Variants in SLAMF1 observed in about 807,000 individuals in gnomAD.
SLAMF1 encodes the protein signaling lymphocytic activation molecule family member 1.
SLAMF1 carries 18 observed loss-of-function variants against 35.1 expected under a neutral mutation model. The ratio of observed to expected loss-of-function variants is 0.51; its 90% confidence interval spans 0.35 to 0.76. SLAMF1 has a LOEUF of 0.76. Ranked by LOEUF, SLAMF1 falls within the 30% of genes least tolerant of loss-of-function variation. SLAMF1 has a pLI of 0.01. For missense variants in SLAMF1, 392 were observed against 413.0 expected (o/e 0.95, Z 0.44); for synonymous variants, 168 against 157.2 (o/e 1.07, Z -0.51).
At chr1:160,634,940 C>T (rs982270620) in intron 2 of SLAMF1, 43 bp from the exon 3 acceptor site, 15 of 1,539,142 alleles carry the variant, frequency 9.7e-6, no homozygotes, top group African/African-American at 1.4e-5. Flanking sequence ...GAAGTGAACC[C>T]CTGGGAATTC....
intron 1 of SLAMF1, among the ~76,000 whole-genome samples, chr1:160,640,380 A>G (rs1424877514): frequency 1.4e-5 from 2 of 147,264 alleles, no homozygotes; most frequent in African/African-American, 5.0e-5. Flanking sequence ...ACACACATAT[A>G]TATATATACA....
At chr1:160,641,533 G>C (rs971514381) in intron 1 of SLAMF1, among the ~76,000 whole-genome samples, 5 of 152,114 alleles carry the variant, frequency 3.3e-5, no homozygotes, top group Non-Finnish European at 7.4e-5. Context: ...GGAAAAGGGA[G>C]GGGTAGATGA....
chr1:160,637,576 A>C, intron 1 of SLAMF1, 47 bp from the exon 2 acceptor site: 1 of 1,355,146 alleles, frequency 7.4e-7, no homozygotes, highest in Non-Finnish European at 1.0e-6. Context: ...AGGCCTTTAG[A>C]CAACATCGTG....
At chr1:160,630,086 G>A (rs1176313735) in intron 3 of SLAMF1, among the ~76,000 whole-genome samples, 2 of 152,214 alleles carry the variant, frequency 1.3e-5, no homozygotes, top group Non-Finnish European at 2.9e-5. Context: ...TTCAAGATGA[G>A]CTTCCAGGGG....
chr1:160,634,531 A>G (rs1660324463), intron 3 of SLAMF1, 82 bp downstream of exon 3: 2 of 1,463,680 alleles, frequency 1.4e-6, no homozygotes, highest in Admixed American at 4.5e-5. Context: ...GGTGAATGCC[A>G]TGGCTGGGGA....
intron 3 of SLAMF1, among the ~76,000 whole-genome samples, chr1:160,625,030 G>T (rs576227055): frequency 6.6e-6 from 1 of 152,244 alleles, no homozygotes; most frequent in South Asian, 2.1e-4. Context: ...TACAAGGTAG[G>T]TACACTCATT....
chr1:160,633,653 C>T (rs1279020342), intron 3 of SLAMF1, among the ~76,000 whole-genome samples: 1 of 152,220 alleles, frequency 6.6e-6, no homozygotes, highest in East Asian at 1.9e-4. Context: ...AGTCCCTGAA[C>T]CTGCCTGAGG....
chr1:160,616,937 C>A (rs1027993016), intron 5 of SLAMF1, among the ~76,000 whole-genome samples: 3 of 152,010 alleles, frequency 2.0e-5, no homozygotes, highest in African/African-American at 7.3e-5. Context: ...GGGCAGATCT[C>A]CTGAGATCAG....
Position 160,610,635 on chromosome 1 carries a change from G to C in SLAMF1, c.*113C>G, listed in dbSNP as rs112810710. ...ATCACCAGGGAGTTGATCTGAGAAG[G>C]GTACAGACGTGCAGCATGTCTGCCA... On this transcript the variant is annotated 3_prime_UTR_variant, in exon 7 of 7. Coordinates refer to ENST00000302035, the MANE Select transcript of SLAMF1 (RefSeq NM_003037.5). 3.1e-5 allele frequency: 23 copies of C among 743,780 alleles called. 1 individual carries two copies. The Middle Eastern group carries it at 7.2e-4, about 23-fold the overall frequency. 46.1% of individuals were successfully genotyped at this position (743,780 alleles called of 1,614,324 possible).
chr1:160,646,589 T>C (rs1336945048), intron 1 of SLAMF1, among the ~76,000 whole-genome samples: 1 of 152,186 alleles, frequency 6.6e-6, no homozygotes, highest in Non-Finnish European at 1.5e-5. Context: ...CCAGGGCCTG[T>C]CACCCTAAGA....
At chr1:160,621,239 C>T (rs377534754) in intron 4 of SLAMF1, among the ~76,000 whole-genome samples, 1 of 152,114 alleles carries the variant, frequency 6.6e-6, no homozygotes, top group South Asian at 2.1e-4. Context: ...TTAAGGTAGA[C>T]TTATTTTAAC....
At chr1:160,611,853 T>C (rs1171388409) in intron 6 of SLAMF1, among the ~76,000 whole-genome samples, 1 of 152,130 alleles carries the variant, frequency 6.6e-6, no homozygotes, top group Non-Finnish European at 1.5e-5. Context: ...GGTGATTCTG[T>C]TTTGTAGCTG....
At position 160,646,995 on chromosome 1, in the gene SLAMF1, C is replaced by T. The variant is rs377724164; in HGVS notation, c.-50G>A. ...TCCTGGCCGGAGCCTGGCAGCTGCTCACAGATGCCAGGCAGAAGCAAGCTT... is the reference window on the plus strand; with the variant it reads ...TCCTGGCCGGAGCCTGGCAGCTGCTTACAGATGCCAGGCAGAAGCAAGCTT... On this transcript the variant is annotated 5_prime_UTR_variant, in exon 1 of 7. Coordinates refer to ENST00000302035, the MANE Select transcript of SLAMF1 (RefSeq NM_003037.5). 86 of 941,400 alleles carry T rather than the reference C, an allele frequency of 9.1e-5. No individual in the cohort carries two copies. Among genetic ancestry groups the T allele is most frequent in the Non-Finnish European group, 1.4e-4 (81 of 577,832 alleles). The allele number at this position is 941,400 out of a possible 1,614,324, so 58.3% of individuals were successfully genotyped here.
chr1:160,645,820 T>C (rs1400878356), intron 1 of SLAMF1, among the ~76,000 whole-genome samples: 6 of 152,090 alleles, frequency 3.9e-5, no homozygotes, highest in Non-Finnish European at 7.4e-5. Flanking sequence ...GACACATCCA[T>C]TGTGCAGCAC....
intron 3 of SLAMF1, among the ~76,000 whole-genome samples, chr1:160,625,473 T>C (rs1503853): frequency 0.99 from 150,275 of 152,284 alleles, 74,185 homozygotes; most frequent in Middle Eastern, 1. Flanking sequence ...AAATGCAGCC[T>C]ACAAGATCCA....
In SLAMF1 at chr1:160,608,227, T is replaced by A. The variant is rs1205938584; in HGVS notation, c.*2521A>T. ...CACACCACCCGCTGTAACAATCACA[T>A]CCCCGCTGTGTGAATGGAGGAAGCG... On this transcript the variant is annotated 3_prime_UTR_variant, in exon 7 of 7. Transcript: ENST00000302035. 2 of 152,168 alleles carry A rather than the reference T, an allele frequency of 1.3e-5. No homozygotes were observed. Among genetic ancestry groups the A allele is most frequent in the African/African-American group, 4.8e-5 (2 of 41,418 alleles). The allele number at this position is 152,168 out of a possible 1,614,324, so 9.4% of individuals were successfully genotyped here.
In SLAMF1 at chr1:160,646,772, C is replaced by A. The variant is rs532529047; in HGVS notation, c.76+98G>T. 7.1e-6 allele frequency: 5 copies of A among 708,560 alleles called. 1 individual carries two copies. The highest frequency in any genetic ancestry group is 3.5e-5 in the African/African-American group (2 of 57,334). 43.9% of individuals were successfully genotyped at this position (708,560 alleles called of 1,614,324 possible). A position where few individuals can be genotyped will look rare whatever the true frequency, so the allele number is the denominator to read the frequency against. On this transcript the variant is annotated intron_variant, in intron 1 of 6. Coordinates refer to ENST00000302035, the MANE Select transcript of SLAMF1 (RefSeq NM_003037.5). ...CAGTCCCTAAGGAAGAGTGACCAAA[C>A]ACAATACCCAGCCCTGCACCTTCTC...
intron 4 of SLAMF1, among the ~76,000 whole-genome samples, chr1:160,620,860 T>C (rs1659573004): frequency 6.6e-6 from 1 of 152,256 alleles, no homozygotes; most frequent in African/African-American, 2.4e-5. Flanking sequence ...TGTCACTGAA[T>C]TTTAAATTTT....
intron 5 of SLAMF1, among the ~76,000 whole-genome samples, chr1:160,617,412 A>T (rs2369725): frequency 0.36 from 54,447 of 152,016 alleles, 12,178 homozygotes; most frequent in East Asian, 0.65. Context: ...CTCAAACTGG[A>T]AATAACCCAC....
Sources: gnomAD v4.1 joint callset for allele counts (sites outside exome capture counted in the v4.1 genomes callset) on GRCh38, gnomAD v4.1.1 for gene constraint, MANE v1.5 for transcripts, NCBI Gene and HGNC (gene_info 2026-07-23, HGNC 2026-07-21) for gene names.